Variants in FUCA1 observed in about 807,000 individuals in gnomAD.
The protein encoded by FUCA1 is alpha-L-fucosidase 1.
FUCA1 carries 52 observed loss-of-function variants against 56.8 expected under a neutral mutation model. The observed-to-expected ratio is 0.92, with a 90% CI of 0.73 to 1.15. FUCA1 has a LOEUF of 1.15. Ranked by LOEUF, FUCA1 falls within the 50% of genes most tolerant of loss-of-function variation. The probability of loss-of-function intolerance (pLI) is 0.00; values close to 1 mark genes in which losing one functional copy is unlikely to be tolerated. For synonymous variants in FUCA1, 230 were observed against 226.6 expected (o/e 1.02, Z -0.14); for missense variants, 568 against 592.6 (o/e 0.96, Z 0.43).
rs372309250 is a variant in FUCA1 at position 23,865,482 on chromosome 1, G to C, written c.524+9C>G. On this transcript the variant is annotated intron_variant, in intron 2 of 7. Coordinates refer to ENST00000374479, the MANE Select transcript of FUCA1 (RefSeq NM_000147.5). ...AGAGATAACAGAGTAACCATCCCTGGACACTCACCTCTTCCGGAGAGCTGT... is the reference window on the plus strand; with the variant it reads ...AGAGATAACAGAGTAACCATCCCTGCACACTCACCTCTTCCGGAGAGCTGT... 1.2e-6 allele frequency: 2 copies of C among 1,614,158 alleles called. No individual in the cohort carries two copies. The highest frequency in any genetic ancestry group is 3.3e-5 in the Admixed American group (2 of 60,014).
chr1:23,854,890 G>A lies in FUCA1; in HGVS notation c.769-330C>T, dbSNP rs144991111. On this transcript the variant is annotated intron_variant, in intron 4 of 7. Coordinates refer to ENST00000374479, the MANE Select transcript of FUCA1 (RefSeq NM_000147.5). ...GAGAAACCCTGCTGCAGAGATACATGTCAGGGCTGGGAGAGCTTGCTTTAA... is the reference window on the plus strand; with the variant it reads ...GAGAAACCCTGCTGCAGAGATACATATCAGGGCTGGGAGAGCTTGCTTTAA... Among the ~76,000 whole-genome samples, 87 of 152,298 alleles carry A rather than the reference G, an allele frequency of 5.7e-4. No homozygotes were observed. The East Asian group carries it at 0.017, about 29-fold the overall frequency.
chr1:23,861,095 G>A lies in FUCA1; in HGVS notation c.663-1192C>T, dbSNP rs569462793. On this transcript the variant is annotated intron_variant, in intron 3 of 7. Transcript: ENST00000374479. ...TCCCAGCACTTTGGGAGGCCGAGGC[G>A]GGCGGATCACGAGGTCGGGAGATCG... Among the ~76,000 whole-genome samples the A allele has an allele frequency of 1.9e-4, 28 of 151,252 alleles. No individual in the cohort carries two copies. The East Asian group carries it at 2.6e-3, about 14-fold the overall frequency.
At chr1:23,855,716 A>G (rs1458015116) in intron 4 of FUCA1, among the ~76,000 whole-genome samples, 1 of 152,214 alleles carries the variant, frequency 6.6e-6, no homozygotes, top group East Asian at 1.9e-4. Flanking sequence ...TTGATTATCA[A>G]TGTCTGGGCA....
At chr1:23,856,820 G>A (rs1481168389) in intron 4 of FUCA1, among the ~76,000 whole-genome samples, 3 of 151,846 alleles carry the variant, frequency 2.0e-5, no homozygotes, top group Non-Finnish European at 4.4e-5. Flanking sequence ...GTGAAACCCC[G>A]TCTCTACTAA....
Position 23,867,848 on chromosome 1 carries a change from G to T in FUCA1, c.389+50C>A. The T allele has an allele frequency of 1.3e-6, 2 of 1,518,194 alleles. No homozygotes were observed. The highest frequency in any genetic ancestry group is 1.8e-6 in the Non-Finnish European group (2 of 1,136,930). 94.0% of individuals were successfully genotyped at this position (1,518,194 alleles called of 1,614,324 possible). The stretch of plus-strand genomic sequence containing the variant: ...AGCTGGCCGCCCAGCCCCACCTCCT[G>T]TTTGCCGCCCGAGCCGGGAAGGGGC... On this transcript the variant is annotated intron_variant, in intron 1 of 7. Coordinates refer to ENST00000374479, the MANE Select transcript of FUCA1 (RefSeq NM_000147.5). This position sits in a 1 kb window ranked among gnomAD's most constrained non-coding sequence, Gnocchi z 4.9.
At position 23,845,432 on chromosome 1, in the gene FUCA1, T is replaced by C; in HGVS notation, c.*283A>G. 2 of 461,652 alleles carry C rather than the reference T, an allele frequency of 4.3e-6. No homozygotes were observed. Among genetic ancestry groups the C allele is most frequent in the South Asian group, 4.2e-5 (2 of 47,628 alleles). The allele number at this position is 461,652 out of a possible 1,614,324, so 28.6% of individuals were successfully genotyped here. On this transcript the variant is annotated 3_prime_UTR_variant, in exon 8 of 8. Transcript: ENST00000374479. ...GGTTATCAGAGAACAGAGGGAAGAT[T>C]CCATTGTAGATAATTTCCAAATATT...
At chr1:23,860,049 C>T in intron 3 of FUCA1, 146 bp from the exon 4 acceptor site, 1 of 646,388 alleles carries the variant, frequency 1.5e-6, no homozygotes, top group East Asian at 2.8e-5. Flanking sequence ...GATCACAATG[C>T]ACTATAGTCT....
Position 23,867,817 on chromosome 1 carries a change from C to A in FUCA1, c.389+81G>T. 1 of 1,454,360 alleles carries A rather than the reference C, an allele frequency of 6.9e-7. No homozygotes were observed. Among genetic ancestry groups the A allele is most frequent in the Non-Finnish European group, 9.0e-7 (1 of 1,112,114 alleles). The allele number at this position is 1,454,360 out of a possible 1,614,324, so 90.1% of individuals were successfully genotyped here. The stretch of plus-strand genomic sequence containing the variant: ...GTCATGGGGGCGACCGGCAGCTGCG[C>A]GCCCCAGCTGGCCGCCCAGCCCCAC... On this transcript the variant is annotated intron_variant, in intron 1 of 7. Transcript: ENST00000374479. The surrounding 1 kb of genome is among the most constrained non-coding windows in gnomAD (Gnocchi z 4.9).
At chr1:23,853,219 G>T (rs1453760811) in intron 5 of FUCA1, among the ~76,000 whole-genome samples, 5 of 151,360 alleles carry the variant, frequency 3.3e-5, no homozygotes, top group Non-Finnish European at 5.9e-5. Flanking sequence ...CATCTGAGAA[G>T]TGAGGAAACC....
chr1:23,848,612 T>C, intron 6 of FUCA1, 37 bp downstream of exon 6: 1 of 1,603,476 alleles, frequency 6.2e-7, no homozygotes, highest in African/African-American at 1.3e-5. Context: ...GATGGGGCAC[T>C]GTTCTGTTCT....
At chr1:23,846,904 T>TG (rs768482384) in intron 6 of FUCA1, among the ~76,000 whole-genome samples, 1 of 152,040 alleles carries the variant, frequency 6.6e-6, no homozygotes, top group Admixed American at 6.6e-5. Context: ...TTTTAAGTGA[T>TG]GGAGTCTTGC....
At chr1:23,854,647 G>C in intron 4 of FUCA1, 87 bp from the exon 5 acceptor site, 1 of 1,138,064 alleles carries the variant, frequency 8.8e-7, no homozygotes, top group South Asian at 1.2e-5. Context: ...CTATTTGGAA[G>C]CAAGAAACTT....
At chr1:23,849,730 G>A (rs1170298358) in intron 5 of FUCA1, among the ~76,000 whole-genome samples, 1 of 151,462 alleles carries the variant, frequency 6.6e-6, no homozygotes, top group African/African-American at 2.4e-5. Context: ...CTACAGGTGC[G>A]CACCACCATG....
chr1:23,854,482 A>T lies in FUCA1; in HGVS notation c.847T>A (p.Phe283Ile). ...HGGYYNCEDK[F>I]KPQSLPDHKW... Reference sequence around the variant, plus strand: ...TGATCTGGCAAGCTCTGTGGCTTGAATTTATCTTCACAGTTATAGTATCCT... The same window carrying T: ...TGATCTGGCAAGCTCTGTGGCTTGATTTTATCTTCACAGTTATAGTATCCT... Residue 283 changes from phenylalanine (F) to isoleucine (I), a missense_variant, in exon 5 of 8, where the codon TTC becomes ATC. Transcript: ENST00000374479. The T allele has an allele frequency of 1.2e-6, 2 of 1,614,104 alleles. No homozygotes were observed. The highest frequency in any genetic ancestry group is 1.7e-6 in the Non-Finnish European group (2 of 1,179,956).
intron 4 of FUCA1, among the ~76,000 whole-genome samples, chr1:23,858,191 A>G (rs1639433760): frequency 6.6e-6 from 1 of 151,870 alleles, no homozygotes; most frequent in African/African-American, 2.4e-5. Context: ...CAGCCTCCTG[A>G]GCAGCTGGGA....
intron 3 of FUCA1, among the ~76,000 whole-genome samples, chr1:23,862,238 G>A (rs766256631): frequency 3.9e-5 from 6 of 152,100 alleles, no homozygotes; most frequent in Non-Finnish European, 8.8e-5. Context: ...GCAGGATCTC[G>A]GCTCACTGCA....
intron 5 of FUCA1, among the ~76,000 whole-genome samples, chr1:23,853,053 T>C (rs1190548137): frequency 4.3e-5 from 5 of 115,084 alleles, no homozygotes; most frequent in Non-Finnish European, 7.0e-5. Context: ...CCGGCCGCCA[T>C]CCCATCTAGG....
intron 2 of FUCA1, among the ~76,000 whole-genome samples, chr1:23,864,893 C>T (rs2148448768): frequency 6.6e-6 from 1 of 152,106 alleles, no homozygotes; most frequent in African/African-American, 2.4e-5. Context: ...TTAGTAGAGA[C>T]AGGGTTTCAC....
chr1:23,845,767 G>T lies in FUCA1; in HGVS notation c.1349C>A (p.Ser450Tyr). 1 of 1,614,232 alleles carries T rather than the reference G, an allele frequency of 6.2e-7. No individual in the cohort carries two copies. The highest frequency in any genetic ancestry group is 8.5e-7 in the Non-Finnish European group (1 of 1,180,040). The change falls in exon 8 of 8, where the codon TCT (serine) becomes TAT (tyrosine). Residue 450 changes from serine to tyrosine, a missense_variant. Transcript: ENST00000374479. ...LFISLPQLPP[S>Y]AVPAEFAWTI... The stretch of plus-strand genomic sequence containing the variant: ...CCAAGCAAACTCTGCGGGGACAGCA[G>T]AGGGTGGCAACTGGGGTAGAGAGAT...
Sources: gnomAD v4.1 joint callset for allele counts (sites outside exome capture counted in the v4.1 genomes callset) on GRCh38, gnomAD v4.1.1 for gene constraint, Gnocchi (gnomAD v3.1) non-coding constraint, MANE v1.5 for transcripts, NCBI Gene and HGNC (gene_info 2026-07-23, HGNC 2026-07-21) for gene names.